CDYL2: variants seen among roughly 807,000 people sequenced by gnomAD.
The protein encoded by CDYL2 is chromodomain Y like 2.
Under a neutral mutation model 49.4 loss-of-function variants are expected in CDYL2, and 23 were observed. The observed-to-expected ratio is 0.47, with a 90% CI of 0.34 to 0.66. The LOEUF is 0.66. Among genes scored for constraint, CDYL2 ranks in the 30% least tolerant of loss-of-function variants. The pLI, the probability that CDYL2 is intolerant of heterozygous loss-of-function variation, is 0.01. For synonymous variants in CDYL2, 360 were observed against 268.8 expected (o/e 1.34, Z -3.32); for missense variants, 678 against 656.4 (o/e 1.03, Z -0.36).
intron 2 of CDYL2, among the ~76,000 whole-genome samples, chr16:80,638,497 G>C (rs999907654): frequency 6.6e-6 from 1 of 152,094 alleles, no homozygotes; most frequent in Non-Finnish European, 1.5e-5. Flanking sequence ...AACTTTATTT[G>C]GGAAGGCAAA....
intron 1 of CDYL2, among the ~76,000 whole-genome samples, chr16:80,751,668 A>G (rs1286512197): frequency 6.6e-6 from 1 of 152,264 alleles, no homozygotes; most frequent in Non-Finnish European, 1.5e-5. Flanking sequence ...TCAAGTGTTG[A>G]GCAGAAAGAA....
In CDYL2 at chr16:80,680,558, G is replaced by A. The variant is rs369961502; in HGVS notation, c.616+3980C>T. On this transcript the variant is annotated intron_variant, in intron 2 of 6. Transcript: ENST00000570137. ...TCACCAAGGCAGAACCACAGCAAGGGTTAGCAAACCCACCAGCTTTTCTGT... is the reference window on the plus strand; with the variant it reads ...TCACCAAGGCAGAACCACAGCAAGGATTAGCAAACCCACCAGCTTTTCTGT... Among the ~76,000 whole-genome samples, 15 of 152,246 alleles carry A rather than the reference G, an allele frequency of 9.9e-5. No individual in the cohort carries two copies. The South Asian group carries it at 1.9e-3, about 19-fold the overall frequency.
intron 5 of CDYL2, among the ~76,000 whole-genome samples, chr16:80,609,182 T>TA (rs1212572727): frequency 1.3e-5 from 2 of 152,276 alleles, no homozygotes; most frequent in African/African-American, 4.8e-5. Flanking sequence ...GCTATATAGA[T>TA]AAAGTCCTGC....
At chr16:80,661,759 G>C (rs532745702) in intron 2 of CDYL2, among the ~76,000 whole-genome samples, 1 of 152,296 alleles carries the variant, frequency 6.6e-6, no homozygotes, top group South Asian at 2.1e-4. Flanking sequence ...TGTGTCATGT[G>C]ATGCTTTACC....
In CDYL2 at chr16:80,804,281, G is replaced by T; in HGVS notation, c.-108C>A. On this transcript the variant is annotated 5_prime_UTR_variant, in exon 1 of 7. Coordinates refer to ENST00000570137, the MANE Select transcript of CDYL2 (RefSeq NM_152342.4). ...CGCGTGTGTGTGCGCGCGTGTGTGT[G>T]CGAGTGTGTGTGGTGTGTTGAGTAA... The T allele has an allele frequency of 9.7e-7, 1 of 1,028,402 alleles. No individual in the cohort carries two copies. The highest frequency in any genetic ancestry group is 1.3e-6 in the Non-Finnish European group (1 of 770,720). 63.7% of individuals were successfully genotyped at this position (1,028,402 alleles called of 1,614,324 possible). A position where few individuals can be genotyped will look rare whatever the true frequency, so the allele number is the denominator to read the frequency against.
chr16:80,699,447 G>T (rs567302160), intron 1 of CDYL2, among the ~76,000 whole-genome samples: 1 of 152,158 alleles, frequency 6.6e-6, no homozygotes, highest in South Asian at 2.1e-4. Flanking sequence ...TCACTCATAC[G>T]TGGAAGCTAA....
intron 1 of CDYL2, among the ~76,000 whole-genome samples, chr16:80,738,035 C>T (rs956366623): frequency 4.6e-5 from 7 of 150,908 alleles, no homozygotes; most frequent in African/African-American, 1.5e-4. Context: ...AGCCCCCCGA[C>T]AGGCCCCATG....
At chr16:80,673,306 C>T (rs1484524960) in intron 2 of CDYL2, among the ~76,000 whole-genome samples, 2 of 151,974 alleles carry the variant, frequency 1.3e-5, no homozygotes, top group African/African-American at 4.8e-5. Context: ...GGCGACAGAG[C>T]AAGACTCTGT....
chr16:80,674,373 AG>A (rs969514077), intron 2 of CDYL2, among the ~76,000 whole-genome samples: 12 of 152,252 alleles, frequency 7.9e-5, no homozygotes, highest in African/African-American at 2.9e-4. Context: ...GGCAAGCAGT[AG>A]GGAAACGGTA....
rs150483979 is a variant in CDYL2, at chr16:80,770,223, C to A, written c.24+33927G>T. Among the ~76,000 whole-genome samples, 288 of 152,188 alleles carry A rather than the reference C, an allele frequency of 1.9e-3. 3 individuals carry two copies. The highest frequency in any genetic ancestry group is 6.7e-3 in the African/African-American group (279 of 41,528). On this transcript the variant is annotated intron_variant, in intron 1 of 6. Coordinates refer to ENST00000570137, the MANE Select transcript of CDYL2 (RefSeq NM_152342.4). ...ATAAAGTAATAATCAATCATATAAT[C>A]CTGAAGGACTTTACTGCAGATTAAA... is the stretch of plus-strand genomic sequence containing the variant.
At chr16:80,619,424 G>A (rs4889168) in intron 4 of CDYL2, among the ~76,000 whole-genome samples, 21,454 of 152,224 alleles carry the variant, frequency 0.14, 1,976 homozygotes, top group Admixed American at 0.31. Context: ...GGTTTCCCTG[G>A]ACTTCTGGAA....
chr16:80,636,695 C>A (rs1907843353), intron 2 of CDYL2, among the ~76,000 whole-genome samples: 1 of 152,186 alleles, frequency 6.6e-6, no homozygotes, highest in African/African-American at 2.4e-5. Flanking sequence ...CCAGCAATCC[C>A]ATCCTGGGTA....
At chr16:80,687,408 G>A (rs1451084510) in intron 1 of CDYL2, among the ~76,000 whole-genome samples, 1 of 152,050 alleles carries the variant, frequency 6.6e-6, no homozygotes, top group Non-Finnish European at 1.5e-5. Flanking sequence ...ATGGGTGGGT[G>A]GATGAATGGA....
chr16:80,689,942 G>A (rs1052514988), intron 1 of CDYL2, among the ~76,000 whole-genome samples: 1 of 151,988 alleles, frequency 6.6e-6, no homozygotes, highest in Non-Finnish European at 1.5e-5. Flanking sequence ...CCAACATGGT[G>A]AAACCCCATC....
At chr16:80,644,861 C>T (rs1455900617) in intron 2 of CDYL2, among the ~76,000 whole-genome samples, 1 of 151,842 alleles carries the variant, frequency 6.6e-6, no homozygotes, top group African/African-American at 2.4e-5. Flanking sequence ...TGATCTTTGA[C>T]AAACCTGACA....
At chr16:80,678,674 G>C (rs113451802) in intron 2 of CDYL2, among the ~76,000 whole-genome samples, 68,866 of 143,742 alleles carry the variant, frequency 0.48, 19,360 homozygotes, top group Middle Eastern at 0.65. Context: ...GGACTGTAAA[G>C]TAGTTCAACC....
chr16:80,631,442 T>G (rs28629992), intron 3 of CDYL2, among the ~76,000 whole-genome samples: 8,473 of 152,274 alleles, frequency 0.056, 718 homozygotes, highest in African/African-American at 0.18. Flanking sequence ...GTATTTTGAA[T>G]GATGTTGTCA....
intron 1 of CDYL2, among the ~76,000 whole-genome samples, chr16:80,706,707 G>C (rs539593869): frequency 3.9e-5 from 6 of 152,314 alleles, no homozygotes; most frequent in Non-Finnish European, 7.3e-5. Flanking sequence ...GAATGAGATT[G>C]AGTCCAGGGA....
chr16:80,769,393 CA>C (rs1906832635), intron 1 of CDYL2, among the ~76,000 whole-genome samples: 1 of 152,230 alleles, frequency 6.6e-6, no homozygotes, highest in Non-Finnish European at 1.5e-5. Context: ...TAAAGCTTAA[CA>C]AGCATTGTCT....
Sources: gnomAD v4.1 joint callset for allele counts (sites outside exome capture counted in the v4.1 genomes callset) on GRCh38, gnomAD v4.1.1 for gene constraint, MANE v1.5 for transcripts, NCBI Gene and HGNC (gene_info 2026-07-23, HGNC 2026-07-21) for gene names.